STIM2: variants seen among roughly 807,000 people sequenced by gnomAD.
STIM2 encodes stromal interaction molecule 2.
A neutral mutation model predicts 85.8 loss-of-function variants in STIM2; 31 were observed. The observed-to-expected ratio is 0.36, with a 90% CI of 0.27 to 0.49. The LOEUF (loss-of-function observed/expected upper bound fraction) is 0.49. Among genes scored for constraint, STIM2 ranks in the 20% least tolerant of loss-of-function variants. STIM2 has a pLI of 0.98. For synonymous variants in STIM2, 356 were observed against 331.1 expected (o/e 1.08, Z -0.82); for missense variants, 841 against 927.6 (o/e 0.91, Z 1.21).
At chr4:26,876,051 A>G (rs1159193981) in intron 1 of STIM2, among the ~76,000 whole-genome samples, 1 of 152,146 alleles carries the variant, frequency 6.6e-6, no homozygotes, top group Non-Finnish European at 1.5e-5. Context: ...TATCCAGTCC[A>G]TGGAAAAGCT....
intron 1 of STIM2, among the ~76,000 whole-genome samples, chr4:26,867,050 A>G (rs1207564416): frequency 6.6e-6 from 1 of 152,170 alleles, no homozygotes; most frequent in Non-Finnish European, 1.5e-5. Flanking sequence ...TAACAGAGAT[A>G]AGGATATCAG....
chr4:26,909,684 G>T (rs576133298), intron 1 of STIM2, among the ~76,000 whole-genome samples: 1 of 152,128 alleles, frequency 6.6e-6, no homozygotes, highest in Admixed American at 6.5e-5. Context: ...TAAAATATAC[G>T]TAACATAAAA....
At chr4:26,989,254 A>G (rs979628790) in intron 3 of STIM2, among the ~76,000 whole-genome samples, 1 of 152,200 alleles carries the variant, frequency 6.6e-6, no homozygotes, top group African/African-American at 2.4e-5. Flanking sequence ...TGAATTTTAA[A>G]GGTGGTCTAG....
chr4:26,956,690 A>C (rs1166877128), intron 2 of STIM2, among the ~76,000 whole-genome samples: 3 of 143,684 alleles, frequency 2.1e-5, no homozygotes, highest in Admixed American at 2.1e-4. Context: ...AAAAAGGCAG[A>C]AGAACATAGA....
At chr4:26,892,186 C>T (rs1242292813) in intron 1 of STIM2, among the ~76,000 whole-genome samples, 1 of 152,196 alleles carries the variant, frequency 6.6e-6, no homozygotes, top group Non-Finnish European at 1.5e-5. Context: ...TTGGGTATAT[C>T]TTTATCAGCA....
intron 1 of STIM2, among the ~76,000 whole-genome samples, chr4:26,916,169 C>T (rs945731700): frequency 3.3e-5 from 5 of 152,066 alleles, no homozygotes; most frequent in Admixed American, 6.6e-5. Context: ...CAACTAAAAA[C>T]GAAAAGAGAC....
intron 1 of STIM2, among the ~76,000 whole-genome samples, chr4:26,884,760 G>T (rs1431935142): frequency 6.6e-6 from 1 of 152,330 alleles, no homozygotes; most frequent in South Asian, 2.1e-4. Context: ...TCAGGCAACT[G>T]TTCTGAATGC....
intron 1 of STIM2, among the ~76,000 whole-genome samples, chr4:26,904,776 T>A (rs1204135900): frequency 2.7e-5 from 4 of 150,610 alleles, no homozygotes; most frequent in South Asian, 2.1e-4. Flanking sequence ...TTTTTTTTTT[T>A]AAAGGATGGG....
intron 2 of STIM2, among the ~76,000 whole-genome samples, chr4:26,927,731 T>G (rs1725018869): frequency 9.7e-6 from 1 of 103,278 alleles, no homozygotes; most frequent in South Asian, 3.2e-4. Flanking sequence ...AAAAACTGAC[T>G]GAACTTAGCC....
At chr4:26,992,935 T>TA (rs1407735912) in intron 3 of STIM2, among the ~76,000 whole-genome samples, 1 of 152,154 alleles carries the variant, frequency 6.6e-6, no homozygotes, top group East Asian at 1.9e-4. Flanking sequence ...AGCAGAGTAT[T>TA]ACTAAGATTT....
chr4:27,004,791 G>A lies in STIM2; in HGVS notation c.981+1687G>A, dbSNP rs191375562. On this transcript the variant is annotated intron_variant, in intron 7 of 11. Coordinates refer to ENST00000467087, the MANE Select transcript of STIM2 (RefSeq NM_020860.4). ...AAGGCGGTTTAAAGGAAGGAAATTG[G>A]TATTTTAAAAAGAACACTGTCTGGC... Among the ~76,000 whole-genome samples, 8 of 152,262 alleles carry A rather than the reference G, an allele frequency of 5.3e-5. No individual in the cohort carries two copies. The East Asian group carries it at 1.5e-3, about 29-fold the overall frequency.
chr4:26,884,013 A>G (rs897254785), intron 1 of STIM2, among the ~76,000 whole-genome samples: 10 of 152,216 alleles, frequency 6.6e-5, no homozygotes, highest in African/African-American at 2.2e-4. Flanking sequence ...CTCTCAGCAA[A>G]CCAAGGAAGT....
chr4:27,025,230 A>G lies in STIM2; in HGVS notation c.*2234A>G, dbSNP rs183150860. On this transcript the variant is annotated 3_prime_UTR_variant, in exon 12 of 12. Transcript: ENST00000467087. ...TTGTAAATTCAACAGGAAATTATTG[A>G]GTTTTGGAAAGCTACAGTAATTTCT... is the stretch of plus-strand genomic sequence containing the variant. 7.2e-5 allele frequency: 11 copies of G among 152,332 alleles called. No homozygotes were observed. The East Asian group carries it at 1.9e-3, about 27-fold the overall frequency. The allele number at this position is 152,332 out of a possible 1,614,324, so 9.4% of individuals were successfully genotyped here.
chr4:26,957,180 G>A (rs1048786530), intron 2 of STIM2, among the ~76,000 whole-genome samples: 3 of 152,110 alleles, frequency 2.0e-5, no homozygotes, highest in African/African-American at 7.2e-5. Flanking sequence ...TAAATGCTAT[G>A]TAAATAGTTG....
intron 1 of STIM2, among the ~76,000 whole-genome samples, chr4:26,895,436 C>T (rs12644073): frequency 0.3 from 45,283 of 152,048 alleles, 7,094 homozygotes; most frequent in East Asian, 0.42. Context: ...TAACAAATAC[C>T]ATCATGGATC....
At chr4:26,949,835 T>C (rs1376221822) in intron 2 of STIM2, among the ~76,000 whole-genome samples, 1 of 152,164 alleles carries the variant, frequency 6.6e-6, no homozygotes, top group African/African-American at 2.4e-5. Flanking sequence ...TGCTTGTGAT[T>C]TTTCTCCTGT....
intron 7 of STIM2, among the ~76,000 whole-genome samples, chr4:27,005,054 T>C (rs1377822588): frequency 6.6e-6 from 1 of 152,250 alleles, no homozygotes; most frequent in Non-Finnish European, 1.5e-5. Flanking sequence ...TGTGTCTTCT[T>C]ATACTGCTAT....
chr4:26,957,527 C>T, intron 2 of STIM2, 85 bp from the exon 3 acceptor site: 3 of 768,824 alleles, frequency 3.9e-6, no homozygotes, highest in South Asian at 5.0e-5. Context: ...TAGTCACCCA[C>T]TGGATATCAG....
At chr4:26,976,534 A>G (rs1727203432) in intron 3 of STIM2, among the ~76,000 whole-genome samples, 1 of 151,988 alleles carries the variant, frequency 6.6e-6, no homozygotes, top group Non-Finnish European at 1.5e-5. Context: ...TTTATATATA[A>G]TCAAAACTTT....
Sources: gnomAD v4.1 joint callset for allele counts (sites outside exome capture counted in the v4.1 genomes callset) on GRCh38, gnomAD v4.1.1 for gene constraint, MANE v1.5 for transcripts, NCBI Gene and HGNC (gene_info 2026-07-23, HGNC 2026-07-21) for gene names.